PTER: variants seen among roughly 807,000 people sequenced by gnomAD.
PTER encodes the protein N-acetyltaurine hydrolase.
In PTER, 38 loss-of-function variants were observed where a neutral mutation model predicts 29.6. The ratio of observed to expected loss-of-function variants is 1.28; its 90% CI spans 0.99 to 1.68. The LOEUF is 1.68. PTER is among the 40% of genes most tolerant of loss of function. The pLI, the probability that PTER is intolerant of heterozygous loss-of-function variation, is 0.00. For synonymous variants in PTER, 172 were observed against 154.5 expected, an observed-to-expected ratio of 1.11 and a Z score of -0.84; for missense variants, 482 against 427.8, an observed-to-expected ratio of 1.13 and a Z score of -1.12.
At chr10:16,456,299 T>G (rs1356209214) in intron 1 of PTER, among the ~76,000 whole-genome samples, 1 of 152,210 alleles carries the variant, frequency 6.6e-6, no homozygotes, top group African/African-American at 2.4e-5. Context: ...CTGTTCTCAC[T>G]TAAACATTGA....
intron 1 of PTER, among the ~76,000 whole-genome samples, chr10:16,460,460 T>G (rs1834572167): frequency 6.6e-6 from 1 of 152,214 alleles, no homozygotes. Context: ...CATAGTTTAT[T>G]CCAGCTCAAA....
chr10:16,461,884 A>T (rs1472273011), intron 1 of PTER, among the ~76,000 whole-genome samples: 6 of 152,050 alleles, frequency 3.9e-5, no homozygotes, highest in Admixed American at 1.3e-4. Flanking sequence ...GACTTGAGTG[A>T]TACCAAATCA....
chr10:16,514,218 GA>G, downstream of PTER: 1 of 427,936 alleles, frequency 2.3e-6, no homozygotes. Context: ...ATATATAGAA[GA>G]AATAATTCAA....
At chr10:16,438,819 G>A (rs889639056) in intron 1 of PTER, among the ~76,000 whole-genome samples, 1 of 151,024 alleles carries the variant, frequency 6.6e-6, no homozygotes, top group Non-Finnish European at 1.5e-5. Context: ...TACTGGAGAG[G>A]CTGAGGCACG....
chr10:16,469,156 G>A (rs1466788744), intron 1 of PTER, among the ~76,000 whole-genome samples: 1 of 152,130 alleles, frequency 6.6e-6, no homozygotes, highest in Non-Finnish European at 1.5e-5. Context: ...GGCCAGGACT[G>A]GGAAAGGGTT....
chr10:16,475,498 A>G (rs1835226419), intron 1 of PTER, among the ~76,000 whole-genome samples: 2 of 152,186 alleles, frequency 1.3e-5, no homozygotes, highest in Non-Finnish European at 2.9e-5. Flanking sequence ...TTTGCAAGGC[A>G]CAAAAGCAGA....
chr10:16,490,653 TG>T (rs1564403697), intron 3 of PTER, among the ~76,000 whole-genome samples: 1 of 151,224 alleles, frequency 6.6e-6, no homozygotes, highest in East Asian at 1.9e-4. Context: ...TTCAATATAA[TG>T]TAGTATTTTA....
At chr10:16,439,842 C>T (rs12777690) in intron 1 of PTER, among the ~76,000 whole-genome samples, 2,803 of 152,200 alleles carry the variant, frequency 0.018, 32 homozygotes, top group Non-Finnish European at 0.027. Context: ...AGATTACAGG[C>T]GTGAGCCACG....
intron 3 of PTER, among the ~76,000 whole-genome samples, chr10:16,504,166 C>T (rs1836471136): frequency 6.6e-6 from 1 of 151,608 alleles, no homozygotes; most frequent in South Asian, 2.1e-4. Flanking sequence ...GTGATTGGAT[C>T]TCTACAGTGG....
rs887249854 is a variant in PTER at position 16,512,147 on chromosome 10, T to G, written c.*891T>G. ...TTTCCTTGGACCTAAACAGAGAAAA[T>G]AATGCTTATGTATCTGAAGAAAAGG... On this transcript the variant is annotated 3_prime_UTR_variant, in exon 5 of 5. Transcript: ENST00000535784. 1 of 152,088 alleles carries G rather than the reference T, an allele frequency of 6.6e-6. No individual in the cohort carries two copies. Among genetic ancestry groups the G allele is most frequent in the African/African-American group, 2.4e-5 (1 of 41,354 alleles). The allele number at this position is 152,088 out of a possible 1,614,324, so 9.4% of individuals were successfully genotyped here.
intron 1 of PTER, among the ~76,000 whole-genome samples, chr10:16,471,778 C>T (rs933597333): frequency 2.6e-5 from 4 of 152,072 alleles, no homozygotes; most frequent in African/African-American, 4.8e-5. Flanking sequence ...GTAAACATTC[C>T]TATGTTATAA....
In PTER at chr10:16,511,172, T is replaced by C; in HGVS notation, c.966T>C (p.Pro322=). 1.2e-6 allele frequency: 2 copies of C among 1,614,152 alleles called. No individual in the cohort carries two copies. The highest frequency in any genetic ancestry group is 1.7e-6 in the Non-Finnish European group (2 of 1,180,000). The part of the protein sequence containing the change: ...GYSHILTNVV[P]KMLLRGITEN... ...CTCATATACTCACCAATGTTGTTCC[T>C]AAAATGTTGCTGAGAGGCATAACTG... The change falls in exon 5 of 5, where the codon CCT becomes CCC. Residue 322 remains proline, a synonymous_variant. Transcript: ENST00000535784.
intron 1 of PTER, among the ~76,000 whole-genome samples, chr10:16,470,797 T>C (rs568921559): frequency 2.0e-5 from 3 of 152,194 alleles, no homozygotes; most frequent in African/African-American, 7.2e-5. Context: ...CTTCTTATGG[T>C]TCTGTTCTTT....
chr10:16,465,213 A>G (rs901011271), intron 1 of PTER, among the ~76,000 whole-genome samples: 2 of 151,562 alleles, frequency 1.3e-5, no homozygotes, highest in African/African-American at 2.4e-5. Context: ...CTATGAATAT[A>G]TAAAAACGAT....
downstream of PTER, chr10:16,513,980 AG>A: frequency 4.3e-6 from 1 of 230,758 alleles, no homozygotes; most frequent in East Asian, 8.6e-5. Context: ...TAAGGCTTGA[AG>A]TTGAATCATT....
intron 4 of PTER, among the ~76,000 whole-genome samples, chr10:16,507,489 C>G (rs1383163874): frequency 2.0e-5 from 3 of 152,040 alleles, no homozygotes; most frequent in Non-Finnish European, 4.4e-5. Flanking sequence ...TCAAGTATTG[C>G]TAGTTGAATA....
chr10:16,458,940 G>T (rs1008198744), intron 1 of PTER, among the ~76,000 whole-genome samples: 4 of 151,954 alleles, frequency 2.6e-5, no homozygotes, highest in Non-Finnish European at 5.9e-5. Context: ...TTTTTTCCAT[G>T]AATAATAACC....
intron 1 of PTER, among the ~76,000 whole-genome samples, chr10:16,483,845 C>T (rs1343786672): frequency 6.6e-6 from 1 of 151,916 alleles, no homozygotes; most frequent in Non-Finnish European, 1.5e-5. Flanking sequence ...GAGCAAGACT[C>T]TCCCTCAAAA....
intron 3 of PTER, among the ~76,000 whole-genome samples, chr10:16,497,380 A>G (rs988166314): frequency 1.9e-5 from 2 of 107,102 alleles, no homozygotes; most frequent in Non-Finnish European, 3.8e-5. Context: ...TTTGTACTTC[A>G]ATGTTTTTTA....
Sources: gnomAD v4.1 joint callset for allele counts (sites outside exome capture counted in the v4.1 genomes callset) on GRCh38, gnomAD v4.1.1 for gene constraint, MANE v1.5 for transcripts, NCBI Gene and HGNC (gene_info 2026-07-23, HGNC 2026-07-21) for gene names.